Variants in TEX9 observed in about 807,000 individuals in gnomAD.
TEX9 encodes the protein testis-expressed protein 9.
A neutral mutation model predicts 59.6 loss-of-function variants in TEX9; 74 were observed. That is an observed-to-expected ratio of 1.24 (90% CI 1.03 to 1.51). The LOEUF (loss-of-function observed/expected upper bound fraction) is 1.51. Ranked by LOEUF, TEX9 falls within the 40% of genes most tolerant of loss-of-function variation. The probability of loss-of-function intolerance (pLI) is 0.00; values close to 1 mark genes in which losing one functional copy is unlikely to be tolerated. For synonymous variants in TEX9, 186 were observed against 152.2 expected, an observed-to-expected ratio of 1.22 and a Z score of -1.64; for missense variants, 522 against 447.8, an observed-to-expected ratio of 1.17 and a Z score of -1.49.
intron 1 of TEX9, among the ~76,000 whole-genome samples, chr15:56,325,127 C>T (rs773947598): frequency 1.6e-4 from 25 of 152,182 alleles, no homozygotes; most frequent in Non-Finnish European, 2.9e-4. Flanking sequence ...AGTATGTGTT[C>T]TCTTTTTCTG....
intron 1 of TEX9, among the ~76,000 whole-genome samples, chr15:56,343,736 T>A (rs900886327): frequency 1.3e-5 from 2 of 152,096 alleles, no homozygotes; most frequent in African/African-American, 4.8e-5. Flanking sequence ...CTTATGTCTA[T>A]CTGATAAAGA....
At chr15:56,380,453 C>T (rs1350948010) in intron 3 of TEX9, among the ~76,000 whole-genome samples, 2 of 152,118 alleles carry the variant, frequency 1.3e-5, no homozygotes, top group Non-Finnish European at 2.9e-5. Flanking sequence ...AGTTTACACT[C>T]AATTACAGTG....
downstream of TEX9, among the ~76,000 whole-genome samples, chr15:56,449,322 C>CTTTTTTTTTTTTTTTTTTTTTTTTTT (rs576363039): frequency 1.3e-5 from 2 of 151,262 alleles, no homozygotes; most frequent in East Asian, 2.0e-4. Flanking sequence ...TTGCTACACT[C>CTTTTTTTTTTTTTTTTTTTTTTTTTT]TTTTTATTAA....
chr15:56,264,174 G>T (rs928971564), intron 1 of TEX9, among the ~76,000 whole-genome samples: 3 of 152,054 alleles, frequency 2.0e-5, no homozygotes, highest in Non-Finnish European at 2.9e-5. Context: ...CAAAATAGTC[G>T]CACCGTTTTT....
At chr15:56,342,234 A>G (rs1313310735) in intron 1 of TEX9, among the ~76,000 whole-genome samples, 1 of 152,018 alleles carries the variant, frequency 6.6e-6, no homozygotes, top group Admixed American at 6.6e-5. Flanking sequence ...CATATTCATT[A>G]CTCTTACATT....
chr15:56,266,264 C>T (rs1445082679), intron 1 of TEX9, among the ~76,000 whole-genome samples: 1 of 151,392 alleles, frequency 6.6e-6, no homozygotes, highest in African/African-American at 2.4e-5. Context: ...GTAGCTGGGA[C>T]TACAGGTGTG....
intron 1 of TEX9, among the ~76,000 whole-genome samples, chr15:56,277,368 G>C (rs185461250): frequency 4.1e-4 from 62 of 152,214 alleles, no homozygotes; most frequent in African/African-American, 1.4e-3. Flanking sequence ...TAAGGAAGGG[G>C]TCCAGTTTCT....
At chr15:56,432,918 T>C (rs2050636912) in intron 12 of TEX9, among the ~76,000 whole-genome samples, 1 of 152,198 alleles carries the variant, frequency 6.6e-6, no homozygotes, top group Admixed American at 6.5e-5. Flanking sequence ...TCCTACCGAT[T>C]TTCAAAACAC....
At chr15:56,305,656 A>G (rs1478089548) in intron 1 of TEX9, among the ~76,000 whole-genome samples, 1 of 152,166 alleles carries the variant, frequency 6.6e-6, no homozygotes, top group African/African-American at 2.4e-5. Flanking sequence ...TAAGACCTCA[A>G]AATATAAAAC....
chr15:56,331,363 C>T (rs2046138781), intron 1 of TEX9, among the ~76,000 whole-genome samples: 3 of 152,158 alleles, frequency 2.0e-5, no homozygotes, highest in South Asian at 4.1e-4. Context: ...TTCTTCTCCT[C>T]AGCACATAAA....
At chr15:56,341,009 A>C (rs2046362529) in intron 1 of TEX9, among the ~76,000 whole-genome samples, 1 of 152,038 alleles carries the variant, frequency 6.6e-6, no homozygotes, top group Admixed American at 6.5e-5. Flanking sequence ...CAAGTCTCAG[A>C]GTTGTATTAC....
chr15:56,375,089 C>T (rs2047372430), intron 3 of TEX9, among the ~76,000 whole-genome samples: 1 of 152,108 alleles, frequency 6.6e-6, no homozygotes, highest in Non-Finnish European at 1.5e-5. Context: ...GGAATCGCCA[C>T]ACTGACTTCC....
chr15:56,386,436 C>G (rs2142205018), intron 4 of TEX9, among the ~76,000 whole-genome samples: 1 of 151,814 alleles, frequency 6.6e-6, no homozygotes, highest in South Asian at 2.1e-4. Flanking sequence ...AATTATATCT[C>G]AAACCTGAAA....
chr15:56,280,941 G>C (rs2044801260), intron 1 of TEX9, among the ~76,000 whole-genome samples: 1 of 152,156 alleles, frequency 6.6e-6, no homozygotes, highest in Non-Finnish European at 1.5e-5. Flanking sequence ...CCAAAGCAAA[G>C]TTGACATTCA....
chr15:56,347,464 G>A (rs1244460307), intron 1 of TEX9, among the ~76,000 whole-genome samples: 9 of 151,762 alleles, frequency 5.9e-5, no homozygotes, highest in Admixed American at 5.3e-4. Flanking sequence ...AGATGCAAAA[G>A]CAATTAAATG....
intron 1 of TEX9, among the ~76,000 whole-genome samples, chr15:56,350,077 T>C (rs1306831100): frequency 6.6e-6 from 1 of 152,144 alleles, no homozygotes; most frequent in Admixed American, 6.6e-5. Flanking sequence ...CCTTATATTG[T>C]AGTGAAATTA....
At chr15:56,392,353 G>A (rs1203684339) in intron 7 of TEX9, among the ~76,000 whole-genome samples, 2 of 152,088 alleles carry the variant, frequency 1.3e-5, no homozygotes, top group Non-Finnish European at 2.9e-5. Flanking sequence ...AGGGAGTGAG[G>A]CATCTCACAC....
chr15:56,454,223 G>A, the TEX9 span, among the ~76,000 whole-genome samples: 1 of 151,974 alleles, frequency 6.6e-6, no homozygotes, highest in Non-Finnish European at 1.5e-5. Context: ...TAGTTTTTGT[G>A]GGTACACAGT....
At position 56,339,404 on chromosome 15, in the gene TEX9, A is replaced by C. The variant is rs868241237; in HGVS notation, c.-106-34037A>C. 2.2e-4 allele frequency among the ~76,000 whole-genome samples: 31 copies of C among 138,684 alleles called. No individual in the cohort carries two copies. The Middle Eastern group carries it at 0.011, about 47-fold the overall frequency. The allele number at this position is 138,684 out of a possible 152,430, so 91.0% of individuals were successfully genotyped here. A position where few individuals can be genotyped will look rare whatever the true frequency, so the allele number is the denominator to read the frequency against. ...TCTCCAAAAAAAAAAAAAAAAAAAA[A>C]AAAAAAAAAACAGGAGAATAACTTA... On this transcript the variant is annotated intron_variant, in intron 1 of 5. Coordinates refer to the TEX9 transcript ENST00000560827.
Sources: allele counts gnomAD v4.1 joint callset (sites outside exome capture counted in the v4.1 genomes callset), GRCh38; gene constraint gnomAD v4.1.1; transcripts MANE v1.5; gene names NCBI Gene and HGNC (gene_info 2026-07-23, HGNC 2026-07-21).